RBFOX1: variants seen among roughly 807,000 people sequenced by gnomAD.
RBFOX1 encodes the protein RNA binding protein fox-1 homolog 1.
A neutral mutation model predicts 57.7 loss-of-function variants in RBFOX1; 8 were observed. That is an observed-to-expected ratio of 0.14 (90% confidence interval 0.08 to 0.25). The LOEUF is 0.25. Ranked by LOEUF, RBFOX1 falls within the 10% of genes least tolerant of loss-of-function variation. The pLI is 1.00. For synonymous variants in RBFOX1, 326 were observed against 222.4 expected (o/e 1.47, Z -4.15); for missense variants, 611 against 548.5 (o/e 1.11, Z -1.14).
chr16:5,437,427 G>A (rs185810358), intron 1 of RBFOX1, among the ~76,000 whole-genome samples: 1 of 152,286 alleles, frequency 6.6e-6, no homozygotes, highest in African/African-American at 2.4e-5. Flanking sequence ...TTCTCACAAG[G>A]AAATCATCCT....
chr16:7,298,250 C>A (rs994110961), intron 4 of RBFOX1, among the ~76,000 whole-genome samples: 1 of 150,666 alleles, frequency 6.6e-6, no homozygotes, highest in African/African-American at 2.4e-5. Flanking sequence ...ATCAACCCAC[C>A]ACAATGTAGA....
intron 4 of RBFOX1, among the ~76,000 whole-genome samples, chr16:7,211,727 G>T (rs1196585119): frequency 6.6e-6 from 1 of 152,120 alleles, no homozygotes; most frequent in East Asian, 1.9e-4. Flanking sequence ...CAGCTCTCGT[G>T]CCAGGTGGGC....
chr16:6,160,126 G>A (rs1349418679), intron 1 of RBFOX1, among the ~76,000 whole-genome samples: 2 of 152,134 alleles, frequency 1.3e-5, no homozygotes, highest in Non-Finnish European at 2.9e-5. Flanking sequence ...AATCTACAGG[G>A]TTTATAAGGT....
intron 5 of RBFOX1, among the ~76,000 whole-genome samples, chr16:7,539,844 G>A: frequency 6.6e-6 from 1 of 152,198 alleles, no homozygotes; most frequent in Non-Finnish European, 1.5e-5. Context: ...CATCCAGATA[G>A]ATGAGAAGAG....
intron 1 of RBFOX1, among the ~76,000 whole-genome samples, chr16:6,306,929 C>T (rs116660815): frequency 0.015 from 2,305 of 152,218 alleles, 66 homozygotes; most frequent in African/African-American, 0.052. Context: ...GATATAGCTA[C>T]TTTGTGAACT....
intron 3 of RBFOX1, among the ~76,000 whole-genome samples, chr16:5,737,895 T>A (rs1317769502): frequency 6.6e-6 from 1 of 152,308 alleles, no homozygotes; most frequent in African/African-American, 2.4e-5. Flanking sequence ...CTGAGACACA[T>A]GTGCAGAACG....
At chr16:7,708,171 T>TC (rs917616436) in intron 14 of RBFOX1, among the ~76,000 whole-genome samples, 1 of 151,496 alleles carries the variant, frequency 6.6e-6, no homozygotes, top group Non-Finnish European at 1.5e-5. Context: ...AGACTTTGTC[T>TC]CCCCCCTCAT....
At position 6,354,022 on chromosome 16, in the gene RBFOX1, C is replaced by A. The variant is rs115108117; in HGVS notation, c.-64+36965C>A. ...ATCACCTGAGGTCAGGAGTTGAAGA[C>A]CAGCCTCACCAATATGGTGAGACCC... On this transcript the variant is annotated intron_variant, in intron 2 of 15. Transcript: ENST00000550418. Among the ~76,000 whole-genome samples the A allele has an allele frequency of 4.4e-3, 673 of 152,226 alleles. 9 individuals are homozygous for A. The highest frequency in any genetic ancestry group is 0.015 in the African/African-American group (631 of 41,536).
chr16:6,018,192 G>GGAAGAAAGGGAGGGA (rs929820679), upstream of RBFOX1, among the ~76,000 whole-genome samples: 24 of 151,902 alleles, frequency 1.6e-4, no homozygotes, highest in Middle Eastern at 3.4e-3. Context: ...AAAGGAGGAA[G>GGAAGAAAGGGAGGGA]GAAGAAAGGG....
intron 1 of RBFOX1, among the ~76,000 whole-genome samples, chr16:6,021,257 C>T (rs1158094004): frequency 6.6e-6 from 1 of 152,074 alleles, no homozygotes; most frequent in Non-Finnish European, 1.5e-5. Flanking sequence ...GCCTTGACAG[C>T]CCAAGTTTAG....
Position 7,630,514 on chromosome 16 carries a change from C to A in RBFOX1, c.677-89C>A. On this transcript the variant is annotated intron_variant, in intron 10 of 15. Coordinates refer to ENST00000550418, the MANE Select transcript of RBFOX1 (RefSeq NM_018723.4). ...CTGGGATGTGGCTATGTTTTCATTTCTCTGCATTTCTCGGTTGCATTGCCG... is the reference window on the plus strand; with the variant it reads ...CTGGGATGTGGCTATGTTTTCATTTATCTGCATTTCTCGGTTGCATTGCCG... 2.5e-6 allele frequency: 4 copies of A among 1,573,250 alleles called. No individual in the cohort carries two copies. In the Admixed American group the frequency reaches 5.4e-5, roughly 21 times the overall value.
At chr16:5,930,038 T>G (rs1385606988) in intron 4 of RBFOX1, among the ~76,000 whole-genome samples, 3 of 151,220 alleles carry the variant, frequency 2.0e-5, no homozygotes, top group Non-Finnish European at 4.4e-5. Flanking sequence ...GAAGGCGGAA[T>G]GGCTTGCATT....
intron 3 of RBFOX1, among the ~76,000 whole-genome samples, chr16:6,785,734 A>G (rs1418344234): frequency 6.6e-6 from 1 of 152,236 alleles, no homozygotes; most frequent in African/African-American, 2.4e-5. Flanking sequence ...AATATGAAAT[A>G]CCAATTCCAC....
chr16:6,997,364 T>C (rs1467238187), intron 3 of RBFOX1, among the ~76,000 whole-genome samples: 2 of 152,188 alleles, frequency 1.3e-5, no homozygotes, highest in African/African-American at 2.4e-5. Context: ...GACTTAAAGG[T>C]ACAATTGTCA....
chr16:6,112,631 C>T (rs954985320), intron 1 of RBFOX1, among the ~76,000 whole-genome samples: 1 of 152,144 alleles, frequency 6.6e-6, no homozygotes, highest in African/African-American at 2.4e-5. Flanking sequence ...CCGGAGGTTG[C>T]GGTGAGCTGA....
At chr16:7,474,202 G>A (rs937915168) in intron 4 of RBFOX1, among the ~76,000 whole-genome samples, 5 of 152,154 alleles carry the variant, frequency 3.3e-5, no homozygotes, top group African/African-American at 9.7e-5. Context: ...CAGCAGAGTC[G>A]CTTGAACATG....
At chr16:6,343,150 T>C (rs1379571374) in intron 2 of RBFOX1, among the ~76,000 whole-genome samples, 2 of 152,222 alleles carry the variant, frequency 1.3e-5, no homozygotes, top group East Asian at 3.8e-4. Flanking sequence ...TCTTCCTCTC[T>C]GTTCTTTTCA....
At chr16:7,205,190 A>G (rs2089665535) in intron 4 of RBFOX1, among the ~76,000 whole-genome samples, 1 of 152,106 alleles carries the variant, frequency 6.6e-6, no homozygotes, top group Admixed American at 6.5e-5. Flanking sequence ...GGCTTGCTCG[A>G]TGAATATTTT....
chr16:7,203,548 T>A (rs1243115597), intron 4 of RBFOX1, among the ~76,000 whole-genome samples: 2 of 152,246 alleles, frequency 1.3e-5, no homozygotes. Context: ...TATGTTGTAT[T>A]TGTGTTACCA....
Sources: gnomAD v4.1 joint callset for allele counts (sites outside exome capture counted in the v4.1 genomes callset) on GRCh38, gnomAD v4.1.1 for gene constraint, MANE v1.5 for transcripts, NCBI Gene and HGNC (gene_info 2026-07-23, HGNC 2026-07-21) for gene names.